The following WDR73 variants were observed in gnomAD, a reference collection of about 807,000 sequenced individuals.
WDR73 encodes WD repeat domain 73, also known as integrator complex assembly factor WDR73.
WDR73 carries 30 observed loss-of-function variants against 38.2 expected under a neutral mutation model. That is an observed-to-expected ratio of 0.79 (90% CI 0.59 to 1.06). WDR73 has a LOEUF of 1.06. Ranked by LOEUF, WDR73 falls within the 50% of genes least tolerant of loss-of-function variation. The pLI, the probability that WDR73 is intolerant of heterozygous loss-of-function variation, is 0.00. For missense variants in WDR73, 487 were observed against 467.0 expected (o/e 1.04, Z -0.40); for synonymous variants, 197 against 176.0 (o/e 1.12, Z -0.94).
At position 84,640,333 on chromosome 15, in the gene WDR73, AAT is replaced by A. The variant is rs1434479847; in HGVS notation, c.*3135_*3136del. 6.6e-6 allele frequency: 1 copy of A among 152,160 alleles called. No individual in the cohort carries two copies. The highest frequency in any genetic ancestry group is 2.4e-5 in the African/African-American group (1 of 41,420). 9.4% of individuals were successfully genotyped at this position (152,160 alleles called of 1,614,324 possible). A position where few individuals can be genotyped will look rare whatever the true frequency, so the allele number is the denominator to read the frequency against. ...GGAAAAATTGGTGACAACTTTAAGA[AAT>A]ACTGTTTATATCCCGTCCTCAAATA... On this transcript the variant is annotated 3_prime_UTR_variant, in exon 8 of 8. Coordinates refer to ENST00000434634, the MANE Select transcript of WDR73 (RefSeq NM_032856.5).
chr15:84,654,091 G>T, intron 1 of WDR73, 143 bp downstream of exon 1: 1 of 1,094,762 alleles, frequency 9.1e-7, no homozygotes, highest in Non-Finnish European at 1.4e-6. Context: ...CTAGGCCCAG[G>T]CGGAGTCCTC....
rs1270439871 is a variant in WDR73 at position 84,639,722 on chromosome 15, G to A, written c.*3748C>T. 6.6e-6 allele frequency: 1 copy of A among 152,274 alleles called. No individual in the cohort carries two copies. Among genetic ancestry groups the A allele is most frequent in the Non-Finnish European group, 1.5e-5 (1 of 68,090 alleles). 9.4% of individuals were successfully genotyped at this position (152,274 alleles called of 1,614,324 possible). ...CCTGGAGGATGAGAAGGTGGCAGGA[G>A]TGCACTGGGGATACAAAGAAACCAA... On this transcript the variant is annotated 3_prime_UTR_variant, in exon 8 of 8. Coordinates refer to ENST00000434634, the MANE Select transcript of WDR73 (RefSeq NM_032856.5).
At chr15:84,646,708 CAG>C (rs1214253973) in intron 5 of WDR73, 3 of 205,798 alleles carry the variant, frequency 1.5e-5, no homozygotes, top group African/African-American at 2.3e-5. Context: ...CGACAAGAAA[CAG>C]GTACAGAATT....
chr15:84,641,696 T>C lies in WDR73; in HGVS notation c.*1774A>G, dbSNP rs1482913927. ...TGCCCGTCTCTAATTTTTATATTTTTAGTAGAGACGGGGTTTCACCATGTT... is the reference window on the plus strand; with the variant it reads ...TGCCCGTCTCTAATTTTTATATTTTCAGTAGAGACGGGGTTTCACCATGTT... On this transcript the variant is annotated 3_prime_UTR_variant, in exon 8 of 8. Coordinates refer to ENST00000434634, the MANE Select transcript of WDR73 (RefSeq NM_032856.5). 1.3e-5 allele frequency: 2 copies of C among 152,050 alleles called. No individual in the cohort carries two copies. Among genetic ancestry groups the C allele is most frequent in the African/African-American group, 2.4e-5 (1 of 41,366 alleles). The allele number at this position is 152,050 out of a possible 1,614,324, so 9.4% of individuals were successfully genotyped here.
intron 3 of WDR73, among the ~76,000 whole-genome samples, chr15:84,652,016 C>T (rs1447484394): frequency 2.0e-5 from 3 of 151,994 alleles, no homozygotes; most frequent in East Asian, 3.9e-4. Context: ...TACAGGTGTG[C>T]GCCACCATGC....
In WDR73 at chr15:84,640,761, G is replaced by A. The variant is rs910373490; in HGVS notation, c.*2709C>T. 2.6e-5 allele frequency: 4 copies of A among 152,246 alleles called. No individual in the cohort carries two copies. The highest frequency in any genetic ancestry group is 2.1e-4 in the South Asian group (1 of 4,820). The allele number at this position is 152,246 out of a possible 1,614,324, so 9.4% of individuals were successfully genotyped here. On this transcript the variant is annotated 3_prime_UTR_variant, in exon 8 of 8. Transcript: ENST00000434634. ...AGTGTTCCATAGATGTGAACCCTGCGTAGATTATACACACCAGTCTGCCAT... is the reference window on the plus strand; with the variant it reads ...AGTGTTCCATAGATGTGAACCCTGCATAGATTATACACACCAGTCTGCCAT...
chr15:84,653,632 C>G lies in WDR73; in HGVS notation c.109G>C (p.Gly37Arg), dbSNP rs761771071. Reference sequence around the variant, plus strand: ...CTTCAGGGCTAGAAAGGTATACCACCTTTGTCATCAATCCATTCAAGGACT... The same window carrying G: ...CTTCAGGGCTAGAAAGGTATACCACGTTTGTCATCAATCCATTCAAGGACT... ...TRVLEWIDDK[G>R]VFVAGYESLK... The change falls in exon 2 of 8, where the codon GGA becomes CGA. Residue 37 changes from glycine (G) to arginine (R), a missense_variant and splice_region_variant. Physicochemically the swap from Gly to Arg is moderately radical, Grantham distance 125. Coordinates refer to ENST00000434634, the MANE Select transcript of WDR73 (RefSeq NM_032856.5). The G allele has an allele frequency of 6.3e-7, 1 of 1,587,538 alleles. No homozygotes were observed. The highest frequency in any genetic ancestry group is 1.1e-5 in the South Asian group (1 of 86,974).
In WDR73 at chr15:84,643,210, T is replaced by C. The variant is rs932546045; in HGVS notation, c.*260A>G. 8.1e-6 allele frequency: 4 copies of C among 494,920 alleles called. No individual in the cohort carries two copies. The highest frequency in any genetic ancestry group is 5.8e-5 in the African/African-American group (3 of 52,074). 30.7% of individuals were successfully genotyped at this position (494,920 alleles called of 1,614,324 possible). Reference sequence around the variant, plus strand: ...TGAAGACAGGGACAAAACGCTACCATTTCACACTCCCAGATCTAACAATAG... The same window carrying C: ...TGAAGACAGGGACAAAACGCTACCACTTCACACTCCCAGATCTAACAATAG... On this transcript the variant is annotated 3_prime_UTR_variant, in exon 8 of 8. Coordinates refer to ENST00000434634, the MANE Select transcript of WDR73 (RefSeq NM_032856.5).
intron 3 of WDR73, among the ~76,000 whole-genome samples, chr15:84,651,890 G>C (rs1423582560): frequency 6.6e-6 from 1 of 151,328 alleles, no homozygotes; most frequent in African/African-American, 2.4e-5. Flanking sequence ...TTTTTTTTGA[G>C]ATGCAGTCTT....
At chr15:84,643,922 A>C in intron 7 of WDR73, 199 bp from the exon 8 acceptor site, 1 of 578,474 alleles carries the variant, frequency 1.7e-6, no homozygotes, top group Non-Finnish European at 2.8e-6. Flanking sequence ...TACTTTTTAT[A>C]ATTTGTTCTA....
intron 3 of WDR73, among the ~76,000 whole-genome samples, chr15:84,649,112 A>G (rs1160099761): frequency 2.0e-5 from 3 of 152,334 alleles, no homozygotes; most frequent in Middle Eastern, 6.8e-3. Flanking sequence ...AATTATCCCT[A>G]TTCTACAAAT....
At chr15:84,650,315 G>C (rs1896582245) in intron 3 of WDR73, among the ~76,000 whole-genome samples, 4 of 152,038 alleles carry the variant, frequency 2.6e-5, no homozygotes, top group Admixed American at 2.6e-4. Context: ...CCTCCCCTGA[G>C]TAGCTGGGAT....
In WDR73 at chr15:84,654,247, C is replaced by T; in HGVS notation, c.28G>A (p.Glu10Lys). The T allele has an allele frequency of 6.2e-7, 1 of 1,613,984 alleles. No individual in the cohort carries two copies. The highest frequency in any genetic ancestry group is 8.5e-7 in the Non-Finnish European group (1 of 1,179,832). Reference protein sequence around the residue: MDPGDDWLVESLRLYQDFYA... With the variant: MDPGDDWLVKSLRLYQDFYA... ...CGTACGATTTACAAGCGCAAGGATT[C>T]CACCAGCCAGTCGTCCCCAGGATCC... Residue 10 changes from glutamate to lysine, a missense_variant, in exon 1 of 8, where the codon GAA (glutamate) becomes AAA (lysine). Glu to Lys is a moderately conservative substitution (Grantham distance 56, BLOSUM62 1). Coordinates refer to ENST00000434634, the MANE Select transcript of WDR73 (RefSeq NM_032856.5).
chr15:84,650,942 C>T (rs897360003), intron 3 of WDR73, among the ~76,000 whole-genome samples: 8 of 151,982 alleles, frequency 5.3e-5, no homozygotes, highest in South Asian at 2.1e-4. Flanking sequence ...GGCAAGACCC[C>T]GTCCCTACCA....
At chr15:84,652,839 T>G (rs770191757) in intron 2 of WDR73, 37 bp from the exon 3 acceptor site, 24 of 1,338,020 alleles carry the variant, frequency 1.8e-5, no homozygotes, top group Non-Finnish European at 2.5e-5. Flanking sequence ...CACAAATTGT[T>G]AGAAAGATTG....
rs191888890 is a variant in WDR73, at chr15:84,641,745, G to A, written c.*1725C>T. 2.0e-5 allele frequency: 3 copies of A among 152,082 alleles called. No homozygotes were observed. Among genetic ancestry groups the A allele is most frequent in the African/African-American group, 7.2e-5 (3 of 41,406 alleles). The allele number at this position is 152,082 out of a possible 1,614,324, so 9.4% of individuals were successfully genotyped here. The stretch of plus-strand genomic sequence containing the variant: ...TTGGCCAGGCTGGTCTTGAACTCCT[G>A]ACCTCAAGTGATCCACCCACCTTGG... On this transcript the variant is annotated 3_prime_UTR_variant, in exon 8 of 8. Coordinates refer to ENST00000434634, the MANE Select transcript of WDR73 (RefSeq NM_032856.5).
At chr15:84,653,779 C>G in intron 1 of WDR73, 80 bp from the exon 2 acceptor site, 1 of 1,137,634 alleles carries the variant, frequency 8.8e-7, no homozygotes, top group African/African-American at 1.5e-5. Context: ...CCGCATGGTT[C>G]AGTGGCCCAA....
intron 3 of WDR73, 22 bp downstream of exon 3, chr15:84,652,692 C>T (rs1361311515): frequency 3.7e-6 from 5 of 1,334,456 alleles, no homozygotes; most frequent in South Asian, 1.4e-5. Flanking sequence ...TTGACATACT[C>T]AGCATTTATA....
intron 4 of WDR73, 38 bp from the exon 5 acceptor site, chr15:84,647,992 A>C: frequency 6.3e-7 from 1 of 1,594,332 alleles, no homozygotes; most frequent in Non-Finnish European, 8.6e-7. Flanking sequence ...GACCATGGGG[A>C]GCTTATCCAC....
Sources: gnomAD v4.1 joint callset for allele counts (sites outside exome capture counted in the v4.1 genomes callset) on GRCh38, gnomAD v4.1.1 for gene constraint, MANE v1.5 for transcripts, NCBI Gene and HGNC (gene_info 2026-07-23, HGNC 2026-07-21) for gene names.